Variants in AK5 observed in about 807,000 individuals in gnomAD.
AK5 encodes adenylate kinase isoenzyme 5.
Under a neutral mutation model 69.5 loss-of-function variants are expected in AK5, and 27 were observed. The ratio of observed to expected loss-of-function variants is 0.39; its 90% confidence interval spans 0.29 to 0.54. AK5 has a LOEUF of 0.54. AK5 is among the 20% of genes least tolerant of loss of function. AK5 has a pLI of 0.71. For synonymous variants in AK5, 260 were observed against 244.4 expected (o/e 1.06, Z -0.60); for missense variants, 531 against 700.4 (o/e 0.76, Z 2.73).
At chr1:77,519,259 A>G (rs1657845131) in intron 11 of AK5, among the ~76,000 whole-genome samples, 1 of 152,154 alleles carries the variant, frequency 6.6e-6, no homozygotes, top group Non-Finnish European at 1.5e-5. Flanking sequence ...ACTGGGTCCC[A>G]TGATAGGCTC....
intron 6 of AK5, among the ~76,000 whole-genome samples, chr1:77,361,185 C>T (rs1178520666): frequency 6.6e-6 from 1 of 152,188 alleles, no homozygotes; most frequent in Admixed American, 6.5e-5. Flanking sequence ...CCTGACTACT[C>T]AAGCCTCTAC....
At chr1:77,425,028 A>C (rs571762156) in intron 8 of AK5, among the ~76,000 whole-genome samples, 1 of 152,356 alleles carries the variant, frequency 6.6e-6, no homozygotes, top group African/African-American at 2.4e-5. Context: ...GATTTTAAAA[A>C]TGCCTTACCT....
At chr1:77,343,973 G>T (rs1661788450) in intron 6 of AK5, among the ~76,000 whole-genome samples, 1 of 152,174 alleles carries the variant, frequency 6.6e-6, no homozygotes. Flanking sequence ...CTTTAAAAGT[G>T]TCTATTAATG....
At chr1:77,462,287 CAA>C (rs1653888699) in intron 8 of AK5, among the ~76,000 whole-genome samples, 1 of 145,010 alleles carries the variant, frequency 6.9e-6, no homozygotes, top group Non-Finnish European at 1.5e-5. Flanking sequence ...AGATGCTTAA[CAA>C]ATATTTGTTG....
chr1:77,469,654 C>G (rs1316160450), intron 8 of AK5, among the ~76,000 whole-genome samples: 1 of 152,272 alleles, frequency 6.6e-6, no homozygotes, highest in Non-Finnish European at 1.5e-5. Context: ...CAGCCAGAGC[C>G]TTGCTGATCT....
At chr1:77,557,897 C>T (rs1570365227) in intron 13 of AK5, among the ~76,000 whole-genome samples, 2 of 150,482 alleles carry the variant, frequency 1.3e-5, no homozygotes, top group East Asian at 2.0e-4. Flanking sequence ...ACTCATCCCA[C>T]CCCCCACCGC....
intron 5 of AK5, among the ~76,000 whole-genome samples, chr1:77,299,200 A>G (rs1570335961): frequency 2.6e-5 from 4 of 152,026 alleles, no homozygotes; most frequent in African/African-American, 9.6e-5. Context: ...TTGTGTTTTA[A>G]ATTTGCATTT....
chr1:77,326,890 A>G (rs1660832968), intron 5 of AK5, among the ~76,000 whole-genome samples: 1 of 152,342 alleles, frequency 6.6e-6, no homozygotes, highest in South Asian at 2.1e-4. Context: ...TGCAGATTAA[A>G]TAGGAATTTG....
chr1:77,347,325 T>C (rs535165547), intron 6 of AK5, among the ~76,000 whole-genome samples: 1 of 152,320 alleles, frequency 6.6e-6, no homozygotes, highest in East Asian at 1.9e-4. Flanking sequence ...CGTATCCATT[T>C]TTGACTGGAA....
chr1:77,428,439 TCC>T (rs1344573848), intron 8 of AK5, among the ~76,000 whole-genome samples: 4 of 152,158 alleles, frequency 2.6e-5, no homozygotes, highest in Admixed American at 6.5e-5. Context: ...ACTGACTTTT[TCC>T]CATAGGATGA....
chr1:77,409,514 C>T (rs1175040186), intron 6 of AK5, among the ~76,000 whole-genome samples: 1 of 151,954 alleles, frequency 6.6e-6, no homozygotes, highest in East Asian at 1.9e-4. Flanking sequence ...TTTTCATATG[C>T]TTGATGGCTG....
chr1:77,421,968 G>A (rs1570541701), intron 8 of AK5, among the ~76,000 whole-genome samples: 1 of 152,170 alleles, frequency 6.6e-6, no homozygotes, highest in East Asian at 1.9e-4. Flanking sequence ...AGTAACACCA[G>A]TTGGATTTCC....
chr1:77,409,133 T>G (rs1415946914), intron 6 of AK5, among the ~76,000 whole-genome samples: 2 of 152,254 alleles, frequency 1.3e-5, no homozygotes, highest in Non-Finnish European at 2.9e-5. Context: ...ATGGTATATA[T>G]GTACCACATT....
chr1:77,498,287 C>G (rs991703380), intron 10 of AK5, among the ~76,000 whole-genome samples: 1 of 152,094 alleles, frequency 6.6e-6, no homozygotes, highest in Non-Finnish European at 1.5e-5. Context: ...AGGGGTAAAG[C>G]CAGACGGTTA....
rs367835920 is a variant in AK5 at position 77,311,490 on chromosome 1, T to A, written c.699+13543T>A. Among the ~76,000 whole-genome samples, 40 of 152,262 alleles carry A rather than the reference T, an allele frequency of 2.6e-4. 2 individuals carry two copies. Among genetic ancestry groups the A allele is most frequent in the African/African-American group, 9.2e-4 (38 of 41,510 alleles). The stretch of plus-strand genomic sequence containing the variant: ...TGCCTTTCAAGAATGAGAATAATAA[T>A]GTCTCACAAGATTATTGTGAAGATT... On this transcript the variant is annotated intron_variant, in intron 5 of 13. Transcript: ENST00000354567.
At chr1:77,387,083 C>T (rs989226711) in intron 6 of AK5, among the ~76,000 whole-genome samples, 5 of 152,102 alleles carry the variant, frequency 3.3e-5, no homozygotes, top group Admixed American at 1.3e-4. Flanking sequence ...TTTCTTTGTC[C>T]GTTCATCTGT....
At chr1:77,510,681 G>C (rs1178223998) in intron 10 of AK5, among the ~76,000 whole-genome samples, 1 of 151,880 alleles carries the variant, frequency 6.6e-6, no homozygotes, top group Non-Finnish European at 1.5e-5. Context: ...AAAAGAGAGC[G>C]TCAAGTTCTT....
chr1:77,520,988 C>T (rs1657948240), intron 11 of AK5, among the ~76,000 whole-genome samples: 1 of 152,190 alleles, frequency 6.6e-6, no homozygotes, highest in Admixed American at 6.5e-5. Flanking sequence ...TCTCCTACTT[C>T]ATTTACCATA....
At chr1:77,531,147 G>A (rs946490652) in intron 12 of AK5, among the ~76,000 whole-genome samples, 5 of 152,258 alleles carry the variant, frequency 3.3e-5, no homozygotes, top group South Asian at 2.1e-4. Flanking sequence ...GGATGTGTTC[G>A]GAGTTTATTC....
Sources: allele counts gnomAD v4.1 joint callset (sites outside exome capture counted in the v4.1 genomes callset), GRCh38; gene constraint gnomAD v4.1.1; transcripts MANE v1.5; gene names NCBI Gene and HGNC (gene_info 2026-07-23, HGNC 2026-07-21).